Variants in CTNNA3 observed in about 807,000 individuals in gnomAD.
CTNNA3 encodes catenin alpha-3.
In CTNNA3, 76 loss-of-function variants were observed where a neutral mutation model predicts 95.7. That is an observed-to-expected ratio of 0.79 (90% CI 0.66 to 0.96). The LOEUF is 0.96. Ranked by LOEUF, CTNNA3 falls within the 40% of genes least tolerant of loss-of-function variation. The probability of loss-of-function intolerance (pLI) is 0.00; values close to 1 mark genes in which losing one functional copy is unlikely to be tolerated. For missense variants in CTNNA3, 1,191 were observed against 1,089.8 expected (o/e 1.09, Z -1.31); for synonymous variants, 431 against 374.4 (o/e 1.15, Z -1.74).
At chr10:67,532,601 G>A (rs1840363387) in intron 4 of CTNNA3, among the ~76,000 whole-genome samples, 1 of 152,116 alleles carries the variant, frequency 6.6e-6, no homozygotes, top group Non-Finnish European at 1.5e-5. Flanking sequence ...AATGGAAAAA[G>A]TTAGAAAAGT....
chr10:66,881,335 T>C (rs916997131), intron 7 of CTNNA3, among the ~76,000 whole-genome samples: 5 of 152,108 alleles, frequency 3.3e-5, no homozygotes, highest in Non-Finnish European at 5.9e-5. Context: ...CTATAAAGTC[T>C]ATGAGTAATT....
chr10:66,899,482 C>T (rs544872615), intron 7 of CTNNA3, among the ~76,000 whole-genome samples: 1 of 152,264 alleles, frequency 6.6e-6, no homozygotes, highest in Admixed American at 6.5e-5. Context: ...GTACCTAGTT[C>T]ATCTCATTGG....
intron 1 of CTNNA3, among the ~76,000 whole-genome samples, chr10:67,683,503 A>C (rs1840666235): frequency 1.3e-5 from 2 of 152,226 alleles, no homozygotes; most frequent in South Asian, 4.1e-4. Flanking sequence ...TGGGCTCCTC[A>C]ATGAGCTAAC....
At chr10:67,418,134 T>C (rs934319712) in intron 5 of CTNNA3, among the ~76,000 whole-genome samples, 2 of 152,076 alleles carry the variant, frequency 1.3e-5, no homozygotes, top group Non-Finnish European at 2.9e-5. Flanking sequence ...CAAAGAAAAA[T>C]GAAATAACGT....
chr10:66,646,736 T>C (rs1845720225), intron 9 of CTNNA3, among the ~76,000 whole-genome samples: 1 of 152,124 alleles, frequency 6.6e-6, no homozygotes, highest in Non-Finnish European at 1.5e-5. Context: ...CCCATCAACA[T>C]ACAGCATCCT....
At chr10:67,723,705 T>C (rs1019353622) in intron 1 of CTNNA3, among the ~76,000 whole-genome samples, 2 of 152,206 alleles carry the variant, frequency 1.3e-5, no homozygotes, top group African/African-American at 2.4e-5. Context: ...AAGTATCCTC[T>C]GTATCAGATG....
intron 5 of CTNNA3, among the ~76,000 whole-genome samples, chr10:67,311,581 C>T (rs895411113): frequency 6.6e-6 from 1 of 152,076 alleles, no homozygotes; most frequent in South Asian, 2.1e-4. Context: ...TTTCTCAAAA[C>T]TCAATCAACC....
chr10:66,931,264 A>C (rs12264562), intron 7 of CTNNA3, among the ~76,000 whole-genome samples: 8,572 of 151,696 alleles, frequency 0.057, 471 homozygotes, highest in African/African-American at 0.15. Context: ...CTTTACCAAA[A>C]CAGAGAAGAA....
intron 2 of CTNNA3, among the ~76,000 whole-genome samples, chr10:67,613,193 C>G (rs2046655023): frequency 6.6e-6 from 1 of 152,142 alleles, no homozygotes; most frequent in Non-Finnish European, 1.5e-5. Context: ...ACTCCCTCCC[C>G]TCACAGCTCC....
chr10:67,143,434 A>AAAAAAAAAAAAAAAAAC (rs1860688642), intron 7 of CTNNA3, among the ~76,000 whole-genome samples: 1 of 150,276 alleles, frequency 6.7e-6, no homozygotes, highest in Non-Finnish European at 1.5e-5. Context: ...TTAAAAAAAA[A>AAAAAAAAAAAAAAAAAC]AAAAAAAAAA....
chr10:66,841,348 G>A (rs1460881937), intron 7 of CTNNA3, among the ~76,000 whole-genome samples: 1 of 152,098 alleles, frequency 6.6e-6, no homozygotes, highest in Non-Finnish European at 1.5e-5. Context: ...AGTGTCTGAG[G>A]AGTTATAATA....
chr10:66,203,954 T>G (rs955241825), intron 13 of CTNNA3, among the ~76,000 whole-genome samples: 2 of 152,124 alleles, frequency 1.3e-5, no homozygotes, highest in African/African-American at 4.8e-5. Flanking sequence ...TCACATTTAC[T>G]ACTCTATCTT....
At chr10:67,662,495 C>T (rs984846305) in intron 1 of CTNNA3, among the ~76,000 whole-genome samples, 19 of 152,280 alleles carry the variant, frequency 1.2e-4, no homozygotes, top group Non-Finnish European at 2.2e-4. Flanking sequence ...CAATCTGTGG[C>T]ACAAGAATAC....
intron 13 of CTNNA3, among the ~76,000 whole-genome samples, chr10:66,118,741 G>C (rs1164663530): frequency 6.6e-6 from 1 of 152,102 alleles, no homozygotes; most frequent in Non-Finnish European, 1.5e-5. Context: ...TACAATGAGA[G>C]AGCTGATCTA....
intron 11 of CTNNA3, among the ~76,000 whole-genome samples, chr10:66,463,979 G>A (rs1341548106): frequency 1.3e-5 from 2 of 151,806 alleles, no homozygotes; most frequent in Non-Finnish European, 2.9e-5. Context: ...TTGGTCTCAG[G>A]ACCACTCAGG....
At chr10:66,801,782 A>C (rs1275230038) in intron 7 of CTNNA3, among the ~76,000 whole-genome samples, 1 of 151,668 alleles carries the variant, frequency 6.6e-6, no homozygotes, top group Non-Finnish European at 1.5e-5. Flanking sequence ...AATGCAAAGA[A>C]TCTAGGATGG....
At chr10:67,140,993 T>C (rs1860532342) in intron 7 of CTNNA3, among the ~76,000 whole-genome samples, 1 of 152,154 alleles carries the variant, frequency 6.6e-6, no homozygotes, top group Non-Finnish European at 1.5e-5. Flanking sequence ...ATTAAAATGA[T>C]CCCATGCTTG....
At chr10:67,641,106 T>A (rs1427839741) in intron 2 of CTNNA3, among the ~76,000 whole-genome samples, 1 of 152,142 alleles carries the variant, frequency 6.6e-6, no homozygotes, top group Non-Finnish European at 1.5e-5. Context: ...AATCTAGTCA[T>A]CTGACAAAGG....
intron 13 of CTNNA3, among the ~76,000 whole-genome samples, chr10:66,122,518 C>T (rs757557958): frequency 2.6e-5 from 4 of 151,874 alleles, no homozygotes; most frequent in Non-Finnish European, 4.4e-5. Context: ...GGATAAATAC[C>T]AAGAAAGTAC....
Sources: gnomAD v4.1 joint callset for allele counts (sites outside exome capture counted in the v4.1 genomes callset) on GRCh38, gnomAD v4.1.1 for gene constraint, MANE v1.5 for transcripts, NCBI Gene and HGNC (gene_info 2026-07-23, HGNC 2026-07-21) for gene names.